Variants in KLHL29 observed in about 807,000 individuals in gnomAD.
KLHL29 encodes kelch-like protein 29.
Under a neutral mutation model 80.4 loss-of-function variants are expected in KLHL29, and 21 were observed. That is an observed-to-expected ratio of 0.26 (90% CI 0.19 to 0.38). The LOEUF (loss-of-function observed/expected upper bound fraction) is 0.38, where lower values mean the gene tolerates loss of function less well. Among genes scored for constraint, KLHL29 ranks in the 10% least tolerant of loss-of-function variants. The pLI is 1.00. For synonymous variants in KLHL29, 511 were observed against 526.8 expected (o/e 0.97, Z 0.41); for missense variants, 867 against 1,223.9 (o/e 0.71, Z 4.35).
rs917848960 is a variant in KLHL29 at position 23,534,444 on chromosome 2, T to A, written c.-45-27708T>A. 8.5e-5 allele frequency among the ~76,000 whole-genome samples: 13 copies of A among 152,330 alleles called. No individual in the cohort carries two copies. The East Asian group carries it at 2.5e-3, about 29-fold the overall frequency. On this transcript the variant is annotated intron_variant, in intron 2 of 13. Transcript: ENST00000486442. Reference sequence around the variant, plus strand: ...GTGGAATTTTCCTCTCTTTATTGTTTTCTATTGAAATCCTTTGCGTCCTTT... The same window carrying A: ...GTGGAATTTTCCTCTCTTTATTGTTATCTATTGAAATCCTTTGCGTCCTTT...
At chr2:23,395,203 T>A (rs545558397) in intron 1 of KLHL29, among the ~76,000 whole-genome samples, 1 of 152,266 alleles carries the variant, frequency 6.6e-6, no homozygotes, top group East Asian at 1.9e-4. Context: ...TCCAGGAATT[T>A]CCCGAGAAAT....
At chr2:23,629,104 G>A (rs1003211468) in intron 3 of KLHL29, among the ~76,000 whole-genome samples, 6 of 152,226 alleles carry the variant, frequency 3.9e-5, no homozygotes, top group Non-Finnish European at 2.9e-5. Context: ...AGGACGGGCC[G>A]CTACAAGGAA....
chr2:23,442,850 T>C (rs1201598495), intron 1 of KLHL29, among the ~76,000 whole-genome samples: 1 of 152,176 alleles, frequency 6.6e-6, no homozygotes, highest in Non-Finnish European at 1.5e-5. Context: ...CTGGCAGACA[T>C]TTGACAGACC....
At chr2:23,663,391 G>A (rs1670468991) in intron 5 of KLHL29, among the ~76,000 whole-genome samples, 1 of 152,232 alleles carries the variant, frequency 6.6e-6, no homozygotes, top group Non-Finnish European at 1.5e-5. Flanking sequence ...GCAGGAGAAG[G>A]AGGTGGTGAC....
At chr2:23,570,112 A>C (rs1217301384) in intron 3 of KLHL29, among the ~76,000 whole-genome samples, 2 of 152,190 alleles carry the variant, frequency 1.3e-5, no homozygotes, top group African/African-American at 4.8e-5. Context: ...TAGAACCCGT[A>C]GGCAAGAAAC....
chr2:23,654,610 T>C (rs981969852), intron 5 of KLHL29, among the ~76,000 whole-genome samples: 2 of 138,216 alleles, frequency 1.4e-5, no homozygotes, highest in Non-Finnish European at 3.1e-5. Flanking sequence ...CTGTTGGTCT[T>C]GGGCTGGGGT....
intron 2 of KLHL29, among the ~76,000 whole-genome samples, chr2:23,560,665 A>G (rs559768910): frequency 1.3e-5 from 2 of 152,350 alleles, no homozygotes; most frequent in East Asian, 1.9e-4. Context: ...TGAAGAAGTT[A>G]TGGTCAGCTC....
At chr2:23,517,149 T>G (rs1203264667) in intron 2 of KLHL29, among the ~76,000 whole-genome samples, 1 of 152,164 alleles carries the variant, frequency 6.6e-6, no homozygotes, top group Non-Finnish European at 1.5e-5. Context: ...CAGAGGCGCG[T>G]CCTCTCTCAG....
intron 2 of KLHL29, among the ~76,000 whole-genome samples, chr2:23,494,240 G>A (rs552988109): frequency 6.6e-6 from 1 of 152,292 alleles, no homozygotes; most frequent in East Asian, 1.9e-4. Flanking sequence ...TTATTCAGGG[G>A]CATTGATAGA....
At position 23,646,450 on chromosome 2, in the gene KLHL29, G is replaced by A. The variant is rs113422636; in HGVS notation, c.940+3600G>A. The stretch of plus-strand genomic sequence containing the variant: ...GAAAGGCTATTGTGTCTTCACCTGC[G>A]TGGCTGGGAGTGAAGAGTCAGGCTG... On this transcript the variant is annotated intron_variant, in intron 5 of 13. Coordinates refer to ENST00000486442, the MANE Select transcript of KLHL29 (RefSeq NM_052920.2). Among the ~76,000 whole-genome samples, 470 of 152,356 alleles carry A rather than the reference G, an allele frequency of 3.1e-3. 1 individual carries two copies. Among genetic ancestry groups the A allele is most frequent in the African/African-American group, 0.01 (420 of 41,590 alleles).
At chr2:23,388,229 GGGAGGTTTATT>G (rs1480693803) in intron 1 of KLHL29, among the ~76,000 whole-genome samples, 2 of 152,204 alleles carry the variant, frequency 1.3e-5, no homozygotes, top group African/African-American at 4.8e-5. Flanking sequence ...TCAGGTTTGT[GGGAGGTTTATT>G]GAAACAAAGA....
At chr2:23,540,828 G>T (rs1438840692) in intron 2 of KLHL29, among the ~76,000 whole-genome samples, 2 of 152,230 alleles carry the variant, frequency 1.3e-5, no homozygotes, top group Non-Finnish European at 2.9e-5. Context: ...AGAGAGGACG[G>T]CCAGGAGTAG....
chr2:23,429,760 A>G (rs1663117999), intron 1 of KLHL29, among the ~76,000 whole-genome samples: 1 of 152,120 alleles, frequency 6.6e-6, no homozygotes, highest in Non-Finnish European at 1.5e-5. Flanking sequence ...TCTAAGAAAA[A>G]AAAAGAAAAA....
Position 23,532,124 on chromosome 2 carries a change from C to A in KLHL29, c.-45-30028C>A, listed in dbSNP as rs142793248. Among the ~76,000 whole-genome samples, 1,294 of 152,340 alleles carry A rather than the reference C, an allele frequency of 8.5e-3. 7 individuals are homozygous for A. The highest frequency in any genetic ancestry group is 0.014 in the Non-Finnish European group (964 of 68,030). ...CCCCCACAGACCAGAACCCGCTCCA[C>A]TGGGGCCATGCCTGGGAGTTACTCC... On this transcript the variant is annotated intron_variant, in intron 2 of 13. Coordinates refer to ENST00000486442, the MANE Select transcript of KLHL29 (RefSeq NM_052920.2).
chr2:23,537,999 G>A (rs1281652144), intron 2 of KLHL29, among the ~76,000 whole-genome samples: 1 of 152,214 alleles, frequency 6.6e-6, no homozygotes, highest in East Asian at 1.9e-4. Context: ...TGCTCCAGAA[G>A]CACTGAGGGT....
At chr2:23,556,202 G>A (rs952108213) in intron 2 of KLHL29, among the ~76,000 whole-genome samples, 1 of 152,224 alleles carries the variant, frequency 6.6e-6, no homozygotes, top group Non-Finnish European at 1.5e-5. Context: ...CCTAAGTTGT[G>A]TGTGCAGTGT....
chr2:23,462,880 A>G (rs1317012912), intron 1 of KLHL29, among the ~76,000 whole-genome samples: 1 of 152,240 alleles, frequency 6.6e-6, no homozygotes, highest in Non-Finnish European at 1.5e-5. Flanking sequence ...CACACCTGTA[A>G]TCCCAGCATT....
chr2:23,410,423 G>T (rs958072201), intron 1 of KLHL29, among the ~76,000 whole-genome samples: 2 of 152,146 alleles, frequency 1.3e-5, no homozygotes, highest in African/African-American at 4.8e-5. Flanking sequence ...GCTGGGCACT[G>T]GGAACAGTGG....
intron 1 of KLHL29, among the ~76,000 whole-genome samples, chr2:23,437,576 C>T (rs1168889377): frequency 1.3e-5 from 2 of 152,178 alleles, no homozygotes; most frequent in Non-Finnish European, 2.9e-5. Flanking sequence ...TATAGGCTCT[C>T]CAGCATTCAC....
Sources: gnomAD v4.1 joint callset for allele counts (sites outside exome capture counted in the v4.1 genomes callset) on GRCh38, gnomAD v4.1.1 for gene constraint, MANE v1.5 for transcripts, NCBI Gene and HGNC (gene_info 2026-07-23, HGNC 2026-07-21) for gene names.